EXOC2: variants seen among roughly 807,000 people sequenced by gnomAD.
EXOC2 encodes the protein exocyst complex component 2, also known as SEC5-like 1.
A neutral mutation model predicts 131.8 loss-of-function variants in EXOC2; 70 were observed. That is an observed-to-expected ratio of 0.53 (90% CI 0.44 to 0.65). EXOC2 has a LOEUF of 0.65. EXOC2 is among the 30% of genes least tolerant of loss of function. EXOC2 has a pLI of 0.00. For missense variants in EXOC2, 923 were observed against 1,108.6 expected, an observed-to-expected ratio of 0.83 and a Z score of 2.38; for synonymous variants, 411 against 398.4, an observed-to-expected ratio of 1.03 and a Z score of -0.38.
intron 26 of EXOC2, among the ~76,000 whole-genome samples, chr6:489,496 T>C (rs1057031209): frequency 6.6e-6 from 1 of 152,210 alleles, no homozygotes; most frequent in Admixed American, 6.5e-5. Context: ...CTTGTAATAA[T>C]TACAGTCTAC....
intron 22 of EXOC2, among the ~76,000 whole-genome samples, chr6:546,167 T>C: frequency 6.6e-6 from 1 of 152,098 alleles, no homozygotes; most frequent in South Asian, 2.1e-4. Context: ...GAATAACGGT[T>C]GGATCTTACT....
intron 11 of EXOC2, among the ~76,000 whole-genome samples, chr6:589,075 C>T (rs748229740): frequency 1.3e-5 from 2 of 152,130 alleles, no homozygotes; most frequent in Non-Finnish European, 1.5e-5. Context: ...ATTTTCATAC[C>T]AAATTAGGTA....
intron 13 of EXOC2, among the ~76,000 whole-genome samples, chr6:569,552 C>A (rs374084256): frequency 5.9e-5 from 9 of 152,248 alleles, no homozygotes; most frequent in East Asian, 5.8e-4. Flanking sequence ...CTATCAAAAG[C>A]CCCAGAACTC....
intron 7 of EXOC2, among the ~76,000 whole-genome samples, chr6:599,572 A>G (rs1310524776): frequency 6.6e-6 from 1 of 152,136 alleles, no homozygotes; most frequent in Non-Finnish European, 1.5e-5. Context: ...AGGGTAAAAC[A>G]CACACATACG....
intron 1 of EXOC2, among the ~76,000 whole-genome samples, chr6:645,173 C>G (rs1350730687): frequency 6.7e-6 from 1 of 149,438 alleles, no homozygotes; most frequent in Non-Finnish European, 1.5e-5. Flanking sequence ...TGAGTTTTGA[C>G]AAGGCACCAA....
Position 516,564 on chromosome 6 carries a change from G to A in EXOC2, c.2380+15905C>T, listed in dbSNP as rs532868904. On this transcript the variant is annotated intron_variant, in intron 23 of 27. Coordinates refer to ENST00000230449, the MANE Select transcript of EXOC2 (RefSeq NM_018303.6). Reference sequence around the variant, plus strand: ...AAAGGCAGGTTTTCCAATGCCCCACGAAGTCTTCTGACTAAACTGTTTAAG... The same window carrying A: ...AAAGGCAGGTTTTCCAATGCCCCACAAAGTCTTCTGACTAAACTGTTTAAG... Among the ~76,000 whole-genome samples the A allele has an allele frequency of 5.9e-5, 9 of 152,326 alleles. No individual in the cohort carries two copies. The South Asian group carries it at 1.2e-3, about 21-fold the overall frequency.
intron 6 of EXOC2, among the ~76,000 whole-genome samples, chr6:616,265 T>G (rs550651313): frequency 6.6e-6 from 1 of 152,194 alleles, no homozygotes. Context: ...GAAGAGCACC[T>G]ACCTTCTCTG....
In EXOC2 at chr6:687,171, C is replaced by CTTTTTTTTTTTTTTTTTTT. The variant is rs762736216; in HGVS notation, c.-44+5829_-44+5847dup. Among the ~76,000 whole-genome samples, 2 of 78,366 alleles carry CTTTTTTTTTTTTTTTTTTT rather than the reference C, an allele frequency of 2.6e-5. 1 individual carries two copies. 51.4% of individuals were successfully genotyped at this position (78,366 alleles called of 152,430 possible). A position where few individuals can be genotyped will look rare whatever the true frequency, so the allele number is the denominator to read the frequency against. ...GAAGAAGTCATTATCAAATAATATT[C>CTTTTTTTTTTTTTTTTTTT]TTTTTTTTTTTTTTTTTTTTTTTGA... On this transcript the variant is annotated intron_variant, in intron 1 of 27. Transcript: ENST00000230449.
chr6:571,642 G>A (rs937778874), intron 13 of EXOC2, among the ~76,000 whole-genome samples: 35 of 152,154 alleles, frequency 2.3e-4, no homozygotes, highest in African/African-American at 8.2e-4. Flanking sequence ...ACCAAAAATG[G>A]TTTTAGCCTT....
intron 1 of EXOC2, among the ~76,000 whole-genome samples, chr6:660,834 G>A (rs1202692819): frequency 6.6e-6 from 1 of 152,162 alleles, no homozygotes; most frequent in African/African-American, 2.4e-5. Context: ...AAATTCAGGA[G>A]GTTAGTTATT....
At chr6:669,556 A>G (rs1763769301) in intron 1 of EXOC2, 1 of 152,270 alleles carries the variant, frequency 6.6e-6, no homozygotes, top group African/African-American at 2.4e-5. Flanking sequence ...CTGGCCTTTC[A>G]ACCTGACTCC....
Position 486,193 on chromosome 6 carries a change from G to A in EXOC2, c.*478C>T, listed in dbSNP as rs12952. 0.6 allele frequency: 91,676 copies of A among 152,494 alleles called. 30,720 individuals are homozygous for A. Among genetic ancestry groups the A allele is most frequent in the East Asian group, 0.74 (3,847 of 5,166 alleles). The allele number at this position is 152,494 out of a possible 1,614,324, so 9.4% of individuals were successfully genotyped here. ...AAACTTAAGGCCATTTATATGAAATGAGGGTTTTAAGCACAGCTGTACAGT... is the reference window on the plus strand; with the variant it reads ...AAACTTAAGGCCATTTATATGAAATAAGGGTTTTAAGCACAGCTGTACAGT... On this transcript the variant is annotated 3_prime_UTR_variant, in exon 28 of 28. Coordinates refer to ENST00000230449, the MANE Select transcript of EXOC2 (RefSeq NM_018303.6).
At chr6:533,658 G>C (rs999500980) in intron 22 of EXOC2, among the ~76,000 whole-genome samples, 3 of 152,192 alleles carry the variant, frequency 2.0e-5, no homozygotes, top group African/African-American at 7.2e-5. Context: ...TCAGCCCTAC[G>C]TGAGTGTGCC....
chr6:563,907 G>A, intron 16 of EXOC2, 126 bp downstream of exon 16: 1 of 1,332,122 alleles, frequency 7.5e-7, no homozygotes, highest in Non-Finnish European at 1.0e-6. Flanking sequence ...GAAATAAGAT[G>A]AACTAATATA....
chr6:557,488 C>G (rs564613456), intron 17 of EXOC2, among the ~76,000 whole-genome samples: 14 of 151,620 alleles, frequency 9.2e-5, no homozygotes, highest in African/African-American at 2.7e-4. Context: ...CGTGGTGGCA[C>G]GCGCCTGTAG....
At chr6:579,934 A>G (rs1758793451) in intron 11 of EXOC2, among the ~76,000 whole-genome samples, 1 of 152,228 alleles carries the variant, frequency 6.6e-6, no homozygotes, top group Non-Finnish European at 1.5e-5. Context: ...AAAAGTCTTT[A>G]AATATTTCAC....
intron 11 of EXOC2, among the ~76,000 whole-genome samples, chr6:578,255 G>A (rs1310330176): frequency 1.3e-5 from 2 of 152,236 alleles, no homozygotes; most frequent in East Asian, 3.9e-4. Context: ...GTAACATTTT[G>A]GTGTCTCTGA....
chr6:559,494 G>A (rs1046798394), intron 17 of EXOC2, among the ~76,000 whole-genome samples: 2 of 152,200 alleles, frequency 1.3e-5, no homozygotes, highest in Non-Finnish European at 2.9e-5. Flanking sequence ...GCTAGACAAT[G>A]TCTTGGCTGA....
chr6:678,320 A>C (rs1321378247), intron 1 of EXOC2, among the ~76,000 whole-genome samples: 2 of 152,204 alleles, frequency 1.3e-5, no homozygotes, highest in African/African-American at 4.8e-5. Context: ...TTAAAATAGG[A>C]ATAATAACTA....
Sources: gnomAD v4.1 joint callset for allele counts (sites outside exome capture counted in the v4.1 genomes callset) on GRCh38, gnomAD v4.1.1 for gene constraint, MANE v1.5 for transcripts, NCBI Gene and HGNC (gene_info 2026-07-23, HGNC 2026-07-21) for gene names.